Variants in ESRRG observed in about 807,000 individuals in gnomAD.
The protein encoded by ESRRG is estrogen-related receptor gamma.
Under a neutral mutation model 44.0 loss-of-function variants are expected in ESRRG, and 13 were observed. The observed-to-expected ratio is 0.30, with a 90% confidence interval of 0.19 to 0.47. The LOEUF (loss-of-function observed/expected upper bound fraction) is 0.47, where lower values mean the gene tolerates loss of function less well. Ranked by LOEUF, ESRRG falls within the 20% of genes least tolerant of loss-of-function variation. ESRRG has a pLI of 1.00. For synonymous variants in ESRRG, 215 were observed against 214.6 expected, an observed-to-expected ratio of 1.00 and a Z score of -0.02; for missense variants, 395 against 580.6, an observed-to-expected ratio of 0.68 and a Z score of 3.29.
intron 1 of ESRRG, among the ~76,000 whole-genome samples, chr1:217,061,419 G>T (rs958711443): frequency 6.6e-6 from 1 of 152,090 alleles, no homozygotes; most frequent in Non-Finnish European, 1.5e-5. Context: ...AAACCTCACA[G>T]GAGCCATCTT....
chr1:216,663,508 G>A (rs1293236382), intron 2 of ESRRG, among the ~76,000 whole-genome samples: 1 of 152,092 alleles, frequency 6.6e-6, no homozygotes, highest in African/African-American at 2.4e-5. Flanking sequence ...ATTCTTTCTA[G>A]TATTATCAGA....
chr1:216,756,602 G>T (rs530424350), intron 2 of ESRRG, among the ~76,000 whole-genome samples: 1 of 151,956 alleles, frequency 6.6e-6, no homozygotes, highest in Non-Finnish European at 1.5e-5. Flanking sequence ...GCTCATTCTA[G>T]CTACTTTAAA....
At chr1:216,903,395 A>G (rs2059314043) in intron 2 of ESRRG, among the ~76,000 whole-genome samples, 3 of 150,600 alleles carry the variant, frequency 2.0e-5, no homozygotes, top group Non-Finnish European at 4.4e-5. Flanking sequence ...CTGTGGCTGT[A>G]TGTGCATATA....
At chr1:216,551,888 T>G (rs73089908) in intron 5 of ESRRG, among the ~76,000 whole-genome samples, 3 of 152,302 alleles carry the variant, frequency 2.0e-5, no homozygotes, top group African/African-American at 4.8e-5. Context: ...CCTTGGCAGT[T>G]GTTCCATCAA....
At chr1:216,584,535 C>T (rs1351190787) in intron 3 of ESRRG, among the ~76,000 whole-genome samples, 3 of 151,990 alleles carry the variant, frequency 2.0e-5, no homozygotes, top group African/African-American at 4.8e-5. Flanking sequence ...GGATTACAGG[C>T]GTGAGTAACT....
chr1:216,601,168 G>A (rs2059180374), intron 3 of ESRRG, among the ~76,000 whole-genome samples: 2 of 152,188 alleles, frequency 1.3e-5, no homozygotes, highest in African/African-American at 4.8e-5. Flanking sequence ...CCGGGCTCCC[G>A]GGCGGGCGCT....
chr1:216,511,251 T>G (rs994474322), intron 6 of ESRRG, among the ~76,000 whole-genome samples: 2 of 152,146 alleles, frequency 1.3e-5, no homozygotes, highest in Admixed American at 1.3e-4. Flanking sequence ...GAAAAAGGTC[T>G]ATTTTCTAAA....
intron 1 of ESRRG, among the ~76,000 whole-genome samples, chr1:216,720,786 C>T (rs1188096826): frequency 2.0e-5 from 3 of 152,090 alleles, no homozygotes; most frequent in Admixed American, 6.6e-5. Flanking sequence ...TCTTAAAACA[C>T]GAAACTTAAA....
At chr1:216,761,346 G>A (rs2092762465) in intron 2 of ESRRG, among the ~76,000 whole-genome samples, 1 of 151,900 alleles carries the variant, frequency 6.6e-6, no homozygotes, top group Non-Finnish European at 1.5e-5. Flanking sequence ...CTGGTCTTCA[G>A]AATCAAACAA....
chr1:216,784,425 T>A (rs1028016977), intron 2 of ESRRG, among the ~76,000 whole-genome samples: 2 of 151,984 alleles, frequency 1.3e-5, no homozygotes, highest in African/African-American at 4.8e-5. Flanking sequence ...AAGAAAGAAA[T>A]CCTTATATAC....
intron 2 of ESRRG, among the ~76,000 whole-genome samples, chr1:216,652,015 T>C (rs1255492220): frequency 1.3e-5 from 2 of 152,156 alleles, no homozygotes; most frequent in African/African-American, 4.8e-5. Flanking sequence ...ATCAGCTCTG[T>C]CACATAGTGC....
rs1383326924 is a variant in ESRRG, at chr1:217,014,409, T to G, written c.-105-74736A>C. Among the ~76,000 whole-genome samples, 5 of 152,186 alleles carry G rather than the reference T, an allele frequency of 3.3e-5. 1 individual carries two copies. Among genetic ancestry groups the G allele is most frequent in the Admixed American group, 1.3e-4 (2 of 15,276 alleles). ...CAGTGACTCTTTTCTAACATACCTA[T>G]CAAAACCTGCAATAGTTTTCATTCT... On this transcript the variant is annotated intron_variant, in intron 1 of 7. Transcript: ENST00000359162.
At chr1:217,090,774 A>T (rs1406111195), upstream of ESRRG, among the ~76,000 whole-genome samples, 5 of 152,188 alleles carry the variant, frequency 3.3e-5, no homozygotes, top group Admixed American at 3.3e-4. Context: ...AAGGATAACT[A>T]GATTTTATTT....
intron 6 of ESRRG, among the ~76,000 whole-genome samples, chr1:216,514,087 A>C (rs1358897403): frequency 6.6e-6 from 1 of 152,150 alleles, no homozygotes; most frequent in African/African-American, 2.4e-5. Context: ...TTTGCAGCAA[A>C]TATTTCTGAT....
At chr1:216,549,828 G>T (rs1258237756) in intron 5 of ESRRG, among the ~76,000 whole-genome samples, 1 of 152,116 alleles carries the variant, frequency 6.6e-6, no homozygotes. Context: ...TAAATCACCT[G>T]AAGAGTTCTT....
chr1:216,966,324 C>G (rs1319387332), intron 1 of ESRRG, among the ~76,000 whole-genome samples: 1 of 152,150 alleles, frequency 6.6e-6, no homozygotes, highest in Admixed American at 6.5e-5. Context: ...AGATGATACA[C>G]CAGATGGTTG....
chr1:217,077,285 A>C (rs1289251931), intron 1 of ESRRG, among the ~76,000 whole-genome samples: 1 of 152,204 alleles, frequency 6.6e-6, no homozygotes, highest in Admixed American at 6.5e-5. Context: ...AGAGAAATTA[A>C]TCTCATAAAC....
chr1:217,061,731 C>A (rs1042092323), intron 1 of ESRRG, among the ~76,000 whole-genome samples: 5 of 152,082 alleles, frequency 3.3e-5, no homozygotes, highest in Non-Finnish European at 2.9e-5. Flanking sequence ...TAAGCACTGC[C>A]ACAATCTAAA....
chr1:216,655,901 C>T (rs967510971), intron 2 of ESRRG, among the ~76,000 whole-genome samples: 4 of 152,100 alleles, frequency 2.6e-5, no homozygotes, highest in Non-Finnish European at 4.4e-5. Flanking sequence ...CTTGAAAAAC[C>T]TTCCCTGGTG....
Sources: gnomAD v4.1 joint callset for allele counts (sites outside exome capture counted in the v4.1 genomes callset) on GRCh38, gnomAD v4.1.1 for gene constraint, MANE v1.5 for transcripts, NCBI Gene and HGNC (gene_info 2026-07-23, HGNC 2026-07-21) for gene names.